Variants in PCDHGA5 observed in about 807,000 individuals in gnomAD.
PCDHGA5 encodes protocadherin gamma subfamily A, 5.
Under a neutral mutation model 56.7 loss-of-function variants are expected in PCDHGA5, and 36 were observed. The ratio of observed to expected loss-of-function variants is 0.64; its 90% CI spans 0.49 to 0.84. PCDHGA5 has a LOEUF of 0.84. PCDHGA5 is among the 40% of genes least tolerant of loss of function. The pLI, the probability that PCDHGA5 is intolerant of heterozygous loss-of-function variation, is 0.00. For synonymous variants in PCDHGA5, 563 were observed against 520.2 expected, an observed-to-expected ratio of 1.08 and a Z score of -1.12; for missense variants, 1,305 against 1,201.5, an observed-to-expected ratio of 1.09 and a Z score of -1.27.
At position 141,476,669 on chromosome 5, in the gene PCDHGA5, C is replaced by G; in HGVS notation, c.2422-18138C>G. ...AAATGAATACTTTGCGCTTCGCGTGCAGACGCGGGAGGACAGCACCAAGTA... is the reference window on the plus strand; with the variant it reads ...AAATGAATACTTTGCGCTTCGCGTGGAGACGCGGGAGGACAGCACCAAGTA... On this transcript the variant is annotated intron_variant, in intron 1 of 3. Coordinates refer to ENST00000518069, the MANE Select transcript of PCDHGA5 (RefSeq NM_018918.3). This position sits in a 1 kb window ranked among gnomAD's most constrained non-coding sequence, Gnocchi z 7.6. 6.2e-7 allele frequency: 1 copy of G among 1,614,246 alleles called. No individual in the cohort carries two copies. The highest frequency in any genetic ancestry group is 1.1e-5 in the South Asian group (1 of 91,086).
chr5:141,418,085 A>C lies in PCDHGA5; in HGVS notation c.2421+51334A>C, dbSNP rs1235378254. On this transcript the variant is annotated intron_variant, in intron 1 of 3. Transcript: ENST00000518069. The stretch of plus-strand genomic sequence containing the variant: ...AGTGAGCGCGGAGAAGCTGCACTTC[A>C]GCGTAGACGCGCAGAGCGGGGACTT... The C allele has an allele frequency of 2.5e-6, 4 of 1,613,936 alleles. No homozygotes were observed. The highest frequency in any genetic ancestry group is 3.4e-6 in the Non-Finnish European group (4 of 1,179,908).
chr5:141,375,829 A>G, intron 1 of PCDHGA5: 1 of 1,614,140 alleles, frequency 6.2e-7, no homozygotes, highest in African/African-American at 1.3e-5. Context: ...CCCGCTCCGC[A>G]GAGCCCGGCT....
chr5:141,418,157 A>G, intron 1 of PCDHGA5: 1 of 1,614,074 alleles, frequency 6.2e-7, no homozygotes, highest in Non-Finnish European at 8.5e-7. Context: ...CAAAGAGAGA[A>G]GAAGATGTGA....
At chr5:141,467,565 C>A (rs2154569547) in intron 1 of PCDHGA5, among the ~76,000 whole-genome samples, 1 of 152,302 alleles carries the variant, frequency 6.6e-6, no homozygotes, top group East Asian at 1.9e-4. Context: ...TCCCAAATGG[C>A]TATCCAGTTG....
rs765047622 is a variant in PCDHGA5 at position 141,486,776 on chromosome 5, G to A, written c.2422-8031G>A. On this transcript the variant is annotated intron_variant, in intron 1 of 3. Coordinates refer to ENST00000518069, the MANE Select transcript of PCDHGA5 (RefSeq NM_018918.3). This position sits in a 1 kb window ranked among gnomAD's most constrained non-coding sequence, Gnocchi z 5.0. ...GCAAACCCAGACACTGCAGTTTGAGGTGCAGGCCCGGGATCGGGGCAACCC... is the reference window on the plus strand; with the variant it reads ...GCAAACCCAGACACTGCAGTTTGAGATGCAGGCCCGGGATCGGGGCAACCC... 1.2e-6 allele frequency: 2 copies of A among 1,614,254 alleles called. No individual in the cohort carries two copies. Among genetic ancestry groups the A allele is most frequent in the Non-Finnish European group, 1.7e-6 (2 of 1,180,050 alleles).
At position 141,440,639 on chromosome 5, in the gene PCDHGA5, T is replaced by C. The variant is rs2098191350; in HGVS notation, c.2422-54168T>C. On this transcript the variant is annotated intron_variant, in intron 1 of 3. Coordinates refer to ENST00000518069, the MANE Select transcript of PCDHGA5 (RefSeq NM_018918.3). ...GATCCTGATGTTGAGAGAAATTCCT[T>C]ACAAAATTATCACCTTAGCAGCAAC... 2 of 152,192 alleles carry C rather than the reference T, an allele frequency of 1.3e-5. 1 individual carries two copies. The highest frequency in any genetic ancestry group is 4.8e-5 in the African/African-American group (2 of 41,440). The allele number at this position is 152,192 out of a possible 1,614,324, so 9.4% of individuals were successfully genotyped here.
At chr5:141,384,371 T>G (rs1780015620) in intron 1 of PCDHGA5, 2 of 1,613,920 alleles carry the variant, frequency 1.2e-6, no homozygotes, top group Non-Finnish European at 1.7e-6. Context: ...ACTTATTCCT[T>G]GGCCGAAGAC....
intron 1 of PCDHGA5, chr5:141,422,432 A>T: frequency 6.2e-7 from 1 of 1,609,448 alleles, no homozygotes; most frequent in South Asian, 1.1e-5. Context: ...TATGGAAATT[A>T]TTACAAATTG....
intron 1 of PCDHGA5, among the ~76,000 whole-genome samples, chr5:141,457,278 C>T (rs1446074161): frequency 6.6e-6 from 1 of 152,196 alleles, no homozygotes; most frequent in Non-Finnish European, 1.5e-5. Flanking sequence ...TGTGGGCCTA[C>T]GAAGTTCCTT....
chr5:141,495,982 T>C (rs2099765062), intron 2 of PCDHGA5, among the ~76,000 whole-genome samples: 2 of 152,144 alleles, frequency 1.3e-5, no homozygotes. Context: ...TACTCTTTCT[T>C]TATCTCTCTT....
In PCDHGA5 at chr5:141,385,264, G is replaced by C. The variant is rs879420336; in HGVS notation, c.2421+18513G>C. 3 of 1,613,712 alleles carry C rather than the reference G, an allele frequency of 1.9e-6. No individual in the cohort carries two copies. In the African/African-American group the frequency reaches 4.0e-5, roughly 22 times the overall value. The stretch of plus-strand genomic sequence containing the variant: ...CAGCCAGGAGAGCTGTGAGAAAAAT[G>C]ATTCTTTGCTAACATCCGTAGATTT... On this transcript the variant is annotated intron_variant, in intron 1 of 3. Transcript: ENST00000518069.
At chr5:141,374,076 A>AGCCAGTAATGGCGCCTCCGCAGAGGC (rs1770087883) in intron 1 of PCDHGA5, 1 of 1,514,538 alleles carries the variant, frequency 6.6e-7, no homozygotes, top group Non-Finnish European at 8.8e-7. Flanking sequence ...GTTCCTAATA[A>AGCCAGTAATGGCGCCTCCGCAGAGGC]GCCAGTAATG....
intron 1 of PCDHGA5, chr5:141,371,741 T>C (rs1767988332): frequency 6.2e-7 from 1 of 1,614,004 alleles, no homozygotes; most frequent in East Asian, 2.2e-5. Flanking sequence ...ACGACAACGT[T>C]CCCGTTTTCC....
At chr5:141,400,332 T>TC (rs772688780) in intron 1 of PCDHGA5, 6 of 1,613,994 alleles carry the variant, frequency 3.7e-6, no homozygotes, top group South Asian at 3.3e-5. Flanking sequence ...GACCTGTGGT[T>TC]CCCCCCAACT....
Position 141,387,642 on chromosome 5 carries a change from C to G in PCDHGA5, c.2421+20891C>G, listed in dbSNP as rs554256672. The G allele has an allele frequency of 4.8e-6, 3 of 622,368 alleles. No homozygotes were observed. In the Admixed American group the frequency reaches 1.0e-4, roughly 21 times the overall value. The allele number at this position is 622,368 out of a possible 1,614,324, so 38.6% of individuals were successfully genotyped here. A position where few individuals can be genotyped will look rare whatever the true frequency, so the allele number is the denominator to read the frequency against. On this transcript the variant is annotated intron_variant, in intron 1 of 3. Transcript: ENST00000518069. Reference sequence around the variant, plus strand: ...TGCTGACTCTGGGCGCCGCTGTTGGCCAAAGTGGAGAGCTTGGCGCTCCAG... The same window carrying G: ...TGCTGACTCTGGGCGCCGCTGTTGGGCAAAGTGGAGAGCTTGGCGCTCCAG...
In PCDHGA5 at chr5:141,511,460, A is replaced by ACCC. The variant is rs1367357803; in HGVS notation, c.*289_*291dup. The ACCC allele has an allele frequency of 2.4e-4, 137 of 564,806 alleles. 1 individual carries two copies. In the Middle Eastern group the frequency reaches 2.7e-3, roughly 11 times the overall value. The allele number at this position is 564,806 out of a possible 1,614,324, so 35.0% of individuals were successfully genotyped here. A position where few individuals can be genotyped will look rare whatever the true frequency, so the allele number is the denominator to read the frequency against. ...GTAGACACCAAGAACCATTTGCCAC[A>ACCC]CCCCGTTTAGTTACAGCTGAACTCC... On this transcript the variant is annotated 3_prime_UTR_variant, in exon 4 of 4. Transcript: ENST00000518069.
chr5:141,401,010 G>A (rs62378449), intron 1 of PCDHGA5, among the ~76,000 whole-genome samples: 17,448 of 152,052 alleles, frequency 0.11, 1,158 homozygotes, highest in African/African-American at 0.18. Context: ...CCTACCTAAT[G>A]GATTTATGAT....
chr5:141,442,596 T>C (rs2154559877), intron 1 of PCDHGA5: 1 of 152,310 alleles, frequency 6.6e-6, no homozygotes, highest in South Asian at 2.1e-4. Flanking sequence ...TTAAATATTT[T>C]CAGAGATCTC....
chr5:141,477,013 T>C lies in PCDHGA5; in HGVS notation c.2422-17794T>C. ...TGCGGCAACTATTCGCCTTAGACCT[T>C]GTAACCGGGATGCTGACAATCAAGG... On this transcript the variant is annotated intron_variant, in intron 1 of 3. Coordinates refer to ENST00000518069, the MANE Select transcript of PCDHGA5 (RefSeq NM_018918.3). The surrounding 1 kb of genome is among the most constrained non-coding windows in gnomAD (Gnocchi z 4.9). 6.2e-7 allele frequency: 1 copy of C among 1,614,204 alleles called. No homozygotes were observed. The highest frequency in any genetic ancestry group is 8.5e-7 in the Non-Finnish European group (1 of 1,180,028).
Sources: allele counts gnomAD v4.1 joint callset (sites outside exome capture counted in the v4.1 genomes callset), GRCh38; gene constraint gnomAD v4.1.1; non-coding constraint Gnocchi (gnomAD v3.1); transcripts MANE v1.5; gene names NCBI Gene and HGNC (gene_info 2026-07-23, HGNC 2026-07-21).